Variants in LRRK2 observed in about 807,000 individuals in gnomAD.
The protein encoded by LRRK2 is leucine rich repeat kinase 2, also known as leucine-rich repeat serine/threonine-protein kinase 2.
LRRK2 carries 203 observed loss-of-function variants against 302.6 expected under a neutral mutation model. The ratio of observed to expected loss-of-function variants is 0.67; its 90% CI spans 0.60 to 0.75. The LOEUF (loss-of-function observed/expected upper bound fraction) is 0.75. LRRK2 is among the 30% of genes least tolerant of loss of function. The pLI is 0.00. For missense variants in LRRK2, 2,830 were observed against 2,951.0 expected (o/e 0.96, Z 0.95); for synonymous variants, 1,066 against 1,031.9 (o/e 1.03, Z -0.63).
intron 30 of LRRK2, 117 bp downstream of exon 30, chr12:40,309,350 CT>C: frequency 1.5e-6 from 2 of 1,314,046 alleles, no homozygotes; most frequent in Non-Finnish European, 1.0e-6. Context: ...TCTTTAAATA[CT>C]TTCTTAAAAG....
chr12:40,245,593 T>A (rs1941945362), intron 7 of LRRK2, among the ~76,000 whole-genome samples: 1 of 152,058 alleles, frequency 6.6e-6, no homozygotes, highest in African/African-American at 2.4e-5. Flanking sequence ...AAAACACTGT[T>A]GAGATTTTGA....
Position 40,364,832 on chromosome 12 carries a change from A to T in LRRK2, c.7182-10A>T. ...TGGTAAAATTATTAATGTATACTTT[A>T]TGGTTCTAGGGAGGTAATGGTAAAA... On this transcript the variant is annotated splice_polypyrimidine_tract_variant and intron_variant, in intron 48 of 50. Transcript: ENST00000298910. The T allele has an allele frequency of 6.3e-7, 1 of 1,587,060 alleles. No individual in the cohort carries two copies. Among genetic ancestry groups the T allele is most frequent in the Non-Finnish European group, 8.6e-7 (1 of 1,156,778 alleles).
chr12:40,352,715 C>G (rs1013155060), intron 44 of LRRK2, among the ~76,000 whole-genome samples: 1 of 150,254 alleles, frequency 6.7e-6, no homozygotes, highest in Non-Finnish European at 1.5e-5. Context: ...CATCTTGCAC[C>G]GCCCTTAATC....
At chr12:40,298,143 T>C (rs964570373) in intron 23 of LRRK2, 100 bp from the exon 24 acceptor site, 1 of 1,251,854 alleles carries the variant, frequency 8.0e-7, no homozygotes, top group African/African-American at 1.5e-5. Context: ...TGAAAATTCT[T>C]GATGGTTCTA....
intron 41 of LRRK2, among the ~76,000 whole-genome samples, chr12:40,345,666 A>C (rs1380408719): frequency 6.6e-6 from 1 of 151,270 alleles, no homozygotes; most frequent in Non-Finnish European, 1.5e-5. Flanking sequence ...GTAGTACAAT[A>C]TACATTCATA....
At chr12:40,230,619 C>G (rs1010085196) in intron 2 of LRRK2, among the ~76,000 whole-genome samples, 1 of 150,350 alleles carries the variant, frequency 6.7e-6, no homozygotes, top group Non-Finnish European at 1.5e-5. Context: ...ACACATCACA[C>G]TTAGATACTT....
intron 2 of LRRK2, among the ~76,000 whole-genome samples, chr12:40,226,844 C>T (rs895891330): frequency 6.6e-6 from 1 of 152,160 alleles, no homozygotes; most frequent in African/African-American, 2.4e-5. Flanking sequence ...TCCCTTCTTA[C>T]TTGTCTCTGC....
Position 40,351,524 on chromosome 12 carries a change from T to C in LRRK2, c.6382-15T>C. 1 of 1,613,434 alleles carries C rather than the reference T, an allele frequency of 6.2e-7. No individual in the cohort carries two copies. The highest frequency in any genetic ancestry group is 1.1e-5 in the South Asian group (1 of 91,032). On this transcript the variant is annotated splice_polypyrimidine_tract_variant and intron_variant, in intron 43 of 50. Coordinates refer to ENST00000298910, the MANE Select transcript of LRRK2 (RefSeq NM_198578.4). ...ACTCGATAAGTACTGTTTTGTTATC[T>C]TTAAACTTTCTCAGGTCTTTGACAT... is the stretch of plus-strand genomic sequence containing the variant.
intron 13 of LRRK2, among the ~76,000 whole-genome samples, chr12:40,260,544 C>T (rs1449977674): frequency 1.3e-5 from 2 of 151,488 alleles, no homozygotes; most frequent in African/African-American, 2.4e-5. Context: ...AGGCTGAGGC[C>T]CAAAGAAAAG....
intron 41 of LRRK2, among the ~76,000 whole-genome samples, chr12:40,343,400 A>T (rs114599803): frequency 1.2e-4 from 19 of 152,208 alleles, no homozygotes; most frequent in African/African-American, 4.6e-4. Flanking sequence ...TAACACACCC[A>T]TATAAATACT....
intron 18 of LRRK2, among the ~76,000 whole-genome samples, chr12:40,279,882 T>C (rs1943613163): frequency 6.6e-6 from 1 of 152,244 alleles, no homozygotes; most frequent in Admixed American, 6.5e-5. Context: ...GATTAAATCT[T>C]GTGGATGAGT....
chr12:40,322,020 G>A lies in LRRK2; in HGVS notation c.5171-15G>A. 1 of 1,612,630 alleles carries A rather than the reference G, an allele frequency of 6.2e-7. No individual in the cohort carries two copies. Among genetic ancestry groups the A allele is most frequent in the Non-Finnish European group, 8.5e-7 (1 of 1,179,144 alleles). ...ACTTAGGAAGCAGTTAATAATTAAT[G>A]GCTCCATTTTTTAGAACGAGCACTT... On this transcript the variant is annotated splice_polypyrimidine_tract_variant and intron_variant, in intron 35 of 50. Coordinates refer to ENST00000298910, the MANE Select transcript of LRRK2 (RefSeq NM_198578.4).
chr12:40,319,277 A>G (rs891638724), intron 33 of LRRK2, among the ~76,000 whole-genome samples: 1 of 152,122 alleles, frequency 6.6e-6, no homozygotes, highest in African/African-American at 2.4e-5. Context: ...TAGAGAAGAA[A>G]GCTGTGCAGT....
At chr12:40,240,461 T>C (rs1941673924) in intron 5 of LRRK2, 22 bp from the exon 6 acceptor site, 1 of 1,605,304 alleles carries the variant, frequency 6.2e-7, no homozygotes, top group Non-Finnish European at 8.5e-7. Context: ...GCTTATTCAG[T>C]ATTTTGTCTT....
chr12:40,367,904 ATT>A lies in LRRK2; in HGVS notation c.*141_*142del. Reference sequence around the variant, plus strand: ...GTATGAAGGAATGTTATTATTTTTAATTTAAATATATGTAAAAATACTTACCA... The same window carrying A: ...GTATGAAGGAATGTTATTATTTTTAATAAATATATGTAAAAATACTTACCA... On this transcript the variant is annotated 3_prime_UTR_variant, in exon 51 of 51. Coordinates refer to ENST00000298910, the MANE Select transcript of LRRK2 (RefSeq NM_198578.4). The A allele has an allele frequency of 4.7e-6, 3 of 637,436 alleles. No individual in the cohort carries two copies. Among genetic ancestry groups the A allele is most frequent in the Non-Finnish European group, 7.4e-6 (3 of 403,966 alleles). The allele number at this position is 637,436 out of a possible 1,614,324, so 39.5% of individuals were successfully genotyped here. A position where few individuals can be genotyped will look rare whatever the true frequency, so the allele number is the denominator to read the frequency against.
At chr12:40,262,997 A>G (rs1942844474) in intron 13 of LRRK2, among the ~76,000 whole-genome samples, 1 of 152,226 alleles carries the variant, frequency 6.6e-6, no homozygotes. Flanking sequence ...CATTAACAAA[A>G]TCCTTGGCAT....
At chr12:40,273,561 G>A (rs1448255675) in intron 14 of LRRK2, among the ~76,000 whole-genome samples, 1 of 152,154 alleles carries the variant, frequency 6.6e-6, no homozygotes, top group Non-Finnish European at 1.5e-5. Context: ...AGCTTGGAAG[G>A]CAGAAGATTT....
At chr12:40,252,617 T>C (rs1028250995) in intron 10 of LRRK2, among the ~76,000 whole-genome samples, 1 of 152,176 alleles carries the variant, frequency 6.6e-6, no homozygotes, top group Admixed American at 6.5e-5. Flanking sequence ...TTGTTTCCAT[T>C]CTCTTCTCCT....
At chr12:40,227,662 A>G (rs1485291329) in intron 2 of LRRK2, among the ~76,000 whole-genome samples, 2 of 152,194 alleles carry the variant, frequency 1.3e-5, no homozygotes, top group Non-Finnish European at 2.9e-5. Context: ...ATAATATTCC[A>G]TTGTGTATGT....
Sources: gnomAD v4.1 joint callset for allele counts (sites outside exome capture counted in the v4.1 genomes callset) on GRCh38, gnomAD v4.1.1 for gene constraint, MANE v1.5 for transcripts, NCBI Gene and HGNC (gene_info 2026-07-23, HGNC 2026-07-21) for gene names.